The following VAT1L variants were observed in gnomAD, a reference collection of about 807,000 sequenced individuals.
The protein encoded by VAT1L is putative NADPH-dependent quinone oxidoreductase VAT1L.
In VAT1L, 34 loss-of-function variants were observed where a neutral mutation model predicts 44.1. The ratio of observed to expected loss-of-function variants is 0.77; its 90% CI spans 0.59 to 1.03. The LOEUF (loss-of-function observed/expected upper bound fraction) is 1.03, where lower values mean the gene tolerates loss of function less well. Ranked by LOEUF, VAT1L falls within the 50% of genes least tolerant of loss-of-function variation. The pLI is 0.00. For synonymous variants in VAT1L, 253 were observed against 202.2 expected, an observed-to-expected ratio of 1.25 and a Z score of -2.13; for missense variants, 615 against 538.8, an observed-to-expected ratio of 1.14 and a Z score of -1.40.
In VAT1L at chr16:77,979,955, G is replaced by C. The variant is rs1031513825; in HGVS notation, c.*2260G>C. ...TGTCTCAGTCTGCCTTAAAGGAACT[G>C]TGAAGGCTTCTCTGTAATTTAAGCT... On this transcript the variant is annotated 3_prime_UTR_variant, in exon 9 of 9. Coordinates refer to ENST00000302536, the MANE Select transcript of VAT1L (RefSeq NM_020927.3). 15 of 152,766 alleles carry C rather than the reference G, an allele frequency of 9.8e-5. No homozygotes were observed. In the South Asian group the frequency reaches 3.1e-3, roughly 32 times the overall value. The allele number at this position is 152,766 out of a possible 1,614,324, so 9.5% of individuals were successfully genotyped here. A position where few individuals can be genotyped will look rare whatever the true frequency, so the allele number is the denominator to read the frequency against.
chr16:77,809,529 G>A (rs1417251391), intron 1 of VAT1L, among the ~76,000 whole-genome samples: 1 of 152,152 alleles, frequency 6.6e-6, no homozygotes, highest in African/African-American at 2.4e-5. Flanking sequence ...AACAGCACAT[G>A]AGAGTGTGTG....
At chr16:77,812,452 G>A (rs1176768809) in intron 1 of VAT1L, among the ~76,000 whole-genome samples, 1 of 152,156 alleles carries the variant, frequency 6.6e-6, no homozygotes, top group Non-Finnish European at 1.5e-5. Flanking sequence ...TACACAATAA[G>A]GAAGGAGTTG....
chr16:77,967,626 TA>T (rs2018236757), intron 7 of VAT1L, among the ~76,000 whole-genome samples: 1 of 152,136 alleles, frequency 6.6e-6, no homozygotes, highest in Admixed American at 6.5e-5. Context: ...CAGAAAGAAA[TA>T]TCCAAAAAGC....
At chr16:77,956,838 C>A (rs913066261) in intron 7 of VAT1L, among the ~76,000 whole-genome samples, 1 of 152,202 alleles carries the variant, frequency 6.6e-6, no homozygotes, top group Non-Finnish European at 1.5e-5. Flanking sequence ...CTCTTTATCC[C>A]AGGCTTGGGC....
chr16:77,866,076 C>G (rs2016971075), intron 4 of VAT1L, among the ~76,000 whole-genome samples: 1 of 152,186 alleles, frequency 6.6e-6, no homozygotes, highest in African/African-American at 2.4e-5. Context: ...GGATTACACT[C>G]AGAATGCCCA....
chr16:77,896,906 C>T (rs1177134929), intron 7 of VAT1L, among the ~76,000 whole-genome samples: 1 of 152,196 alleles, frequency 6.6e-6, no homozygotes, highest in Non-Finnish European at 1.5e-5. Flanking sequence ...ACAGAGTCAA[C>T]TCACACTGCC....
intron 3 of VAT1L, among the ~76,000 whole-genome samples, chr16:77,859,486 G>T (rs187691930): frequency 2.0e-5 from 3 of 152,328 alleles, no homozygotes; most frequent in African/African-American, 7.2e-5. Context: ...GGCCAGTCTA[G>T]TGTGATAAAC....
At chr16:77,901,153 C>CTTTTTTTTTTT (rs538577571) in intron 7 of VAT1L, among the ~76,000 whole-genome samples, 2 of 89,994 alleles carry the variant, frequency 2.2e-5, no homozygotes, top group African/African-American at 9.6e-5. Flanking sequence ...AGTAGTTTAC[C>CTTTTTTTTTTT]TTTTTTTTTT....
intron 7 of VAT1L, among the ~76,000 whole-genome samples, chr16:77,923,080 C>T (rs1029162095): frequency 2.0e-5 from 3 of 152,210 alleles, no homozygotes; most frequent in African/African-American, 7.2e-5. Context: ...TCAATTCCTC[C>T]TTCAGCAGGA....
intron 3 of VAT1L, among the ~76,000 whole-genome samples, chr16:77,830,157 C>G (rs534280851): frequency 6.6e-6 from 1 of 152,308 alleles, no homozygotes; most frequent in South Asian, 2.1e-4. Flanking sequence ...CCTTCTCACT[C>G]TACTCAGAAC....
At chr16:77,908,488 A>AAG (rs1567505001) in intron 7 of VAT1L, among the ~76,000 whole-genome samples, 1 of 150,082 alleles carries the variant, frequency 6.7e-6, no homozygotes, top group Non-Finnish European at 1.5e-5. Context: ...AAAAAAAAAA[A>AAG]AGCCATCACA....
At chr16:77,876,747 A>C (rs924000110) in intron 5 of VAT1L, among the ~76,000 whole-genome samples, 1 of 152,236 alleles carries the variant, frequency 6.6e-6, no homozygotes, top group Non-Finnish European at 1.5e-5. Flanking sequence ...ACTAAGGGAC[A>C]TCACCCACAG....
chr16:77,829,787 T>C (rs1178043040), intron 3 of VAT1L, among the ~76,000 whole-genome samples: 4 of 152,214 alleles, frequency 2.6e-5, no homozygotes, highest in African/African-American at 9.6e-5. Flanking sequence ...GCTCAGTTTC[T>C]GGAGAGTGGC....
intron 7 of VAT1L, among the ~76,000 whole-genome samples, chr16:77,954,164 C>G (rs1222445094): frequency 6.6e-6 from 1 of 152,200 alleles, no homozygotes; most frequent in Non-Finnish European, 1.5e-5. Context: ...TCTTCATGCA[C>G]TGAGCAGAAA....
chr16:77,932,025 T>G (rs9937770), intron 7 of VAT1L, among the ~76,000 whole-genome samples: 8,882 of 152,184 alleles, frequency 0.058, 697 homozygotes, highest in African/African-American at 0.18. Flanking sequence ...CCTGAGCATT[T>G]AGTTCATGGG....
intron 7 of VAT1L, among the ~76,000 whole-genome samples, chr16:77,968,463 C>A (rs192713146): frequency 6.6e-6 from 1 of 152,166 alleles, no homozygotes; most frequent in East Asian, 1.9e-4. Context: ...CGGTGGCTCA[C>A]GCCTGTAATC....
At chr16:77,899,167 A>G (rs1387954233) in intron 7 of VAT1L, among the ~76,000 whole-genome samples, 1 of 151,724 alleles carries the variant, frequency 6.6e-6, no homozygotes, top group Non-Finnish European at 1.5e-5. Flanking sequence ...TTTACAGATG[A>G]GGGCACTGAG....
chr16:77,965,472 G>T (rs1325053215), intron 7 of VAT1L, among the ~76,000 whole-genome samples: 2 of 152,156 alleles, frequency 1.3e-5, no homozygotes, highest in African/African-American at 2.4e-5. Context: ...TTAGAATGTT[G>T]GCATCTTGAG....
chr16:77,893,663 G>T (rs1421481690), intron 7 of VAT1L, among the ~76,000 whole-genome samples: 1 of 152,186 alleles, frequency 6.6e-6, no homozygotes, highest in African/African-American at 2.4e-5. Flanking sequence ...AGTGCTTTAT[G>T]TATTAACTGA....
Sources: gnomAD v4.1 joint callset for allele counts (sites outside exome capture counted in the v4.1 genomes callset) on GRCh38, gnomAD v4.1.1 for gene constraint, MANE v1.5 for transcripts, NCBI Gene and HGNC (gene_info 2026-07-23, HGNC 2026-07-21) for gene names.